MAP4: variants seen among roughly 807,000 people sequenced by gnomAD.
MAP4 encodes microtubule associated protein 4.
In MAP4, 76 loss-of-function variants were observed where a neutral mutation model predicts 170.2. The observed-to-expected ratio is 0.45, with a 90% confidence interval of 0.37 to 0.54. The LOEUF is 0.54. Ranked by LOEUF, MAP4 falls within the 20% of genes least tolerant of loss-of-function variation. The probability of loss-of-function intolerance (pLI) is 0.00; values close to 1 mark genes in which losing one functional copy is unlikely to be tolerated. For missense variants in MAP4, 2,506 were observed against 2,748.0 expected, an observed-to-expected ratio of 0.91 and a Z score of 1.97; for synonymous variants, 909 against 994.5, an observed-to-expected ratio of 0.91 and a Z score of 1.62.
intron 3 of MAP4, chr3:47,931,825 C>CA (rs2153836649): frequency 6.6e-6 from 1 of 152,172 alleles, no homozygotes; most frequent in Non-Finnish European, 1.5e-5. Flanking sequence ...TAGTCAAGTA[C>CA]AACAGTGAGA....
intron 2 of MAP4, among the ~76,000 whole-genome samples, chr3:47,988,218 G>C (rs1272859791): frequency 6.7e-6 from 1 of 149,138 alleles, no homozygotes; most frequent in South Asian, 2.1e-4. Context: ...AGAAAGCAAA[G>C]CAAAAAGATA....
At chr3:47,919,183 G>C (rs577822369) in intron 5 of MAP4, among the ~76,000 whole-genome samples, 1 of 151,964 alleles carries the variant, frequency 6.6e-6, no homozygotes, top group African/African-American at 2.4e-5. Context: ...CAACCGCCTC[G>C]GCCTCCCAAA....
chr3:47,998,836 C>G lies in MAP4; in HGVS notation c.25G>C (p.Ala9Pro), dbSNP rs1338986609. 1 of 1,614,114 alleles carries G rather than the reference C, an allele frequency of 6.2e-7. No individual in the cohort carries two copies. ...ATGTCTGGAGATGGTTCTGTTAATG[C>G]ATCTGCAAGACTGAGGTCAGCCATT... MADLSLAD[A>P]LTEPSPDIEG... Residue 9 changes from alanine to proline, a missense_variant, in exon 2 of 21, where the codon GCA (alanine) becomes CCA (proline). By Grantham distance (27) the Ala-to-Pro change is conservative. This residue lies in a region of MAP4 where 2,008 missense variants were observed against 2,206.0 expected (regional missense o/e 0.91). Transcript: ENST00000683076.
intron 10 of MAP4, chr3:47,892,459 G>A (rs1369806644): frequency 1.3e-6 from 2 of 1,534,176 alleles, no homozygotes; most frequent in Admixed American, 3.9e-5. Context: ...ACGCGGCAGT[G>A]AGAGAGGCTG....
intron 1 of MAP4, among the ~76,000 whole-genome samples, chr3:48,002,258 GA>G (rs11434317): frequency 2.6e-3 from 358 of 138,158 alleles, no homozygotes; most frequent in African/African-American, 8.6e-3. Context: ...AAAAAAAAAA[GA>G]AAAAAAAAAT....
chr3:48,058,205 G>A (rs1056291465), intron 1 of MAP4, among the ~76,000 whole-genome samples: 5 of 152,144 alleles, frequency 3.3e-5, no homozygotes, highest in Non-Finnish European at 7.4e-5. Flanking sequence ...TTTTTTCAAA[G>A]AGAAAAATGA....
intron 2 of MAP4, among the ~76,000 whole-genome samples, chr3:47,986,630 G>A (rs968966897): frequency 1.1e-4 from 16 of 151,930 alleles, no homozygotes; most frequent in African/African-American, 3.4e-4. Context: ...TTGAGCCCCC[G>A]GGTCCCGGTC....
intron 10 of MAP4, among the ~76,000 whole-genome samples, chr3:47,900,930 A>C (rs2100029640): frequency 6.6e-6 from 1 of 152,160 alleles, no homozygotes; most frequent in South Asian, 2.1e-4. Flanking sequence ...AGAGGCACAC[A>C]ATACCCCTAG....
Position 47,914,762 on chromosome 3 carries a change from C to T in MAP4, c.1999+55G>A, listed in dbSNP as rs2100037708. 8 of 1,606,948 alleles carry T rather than the reference C, an allele frequency of 5.0e-6. 1 individual carries two copies. In the Admixed American group the frequency reaches 1.3e-4, roughly 27 times the overall value. On this transcript the variant is annotated intron_variant, in intron 8 of 20. Coordinates refer to ENST00000683076, the MANE Select transcript of MAP4 (RefSeq NM_001385682.1). ...GAACTAGAGACAATGTCTACCATCA[C>T]TACTCTATCGCCCCTAATTTGTTTC... is the stretch of plus-strand genomic sequence containing the variant.
At chr3:48,020,828 C>T (rs1249544054), upstream of MAP4, among the ~76,000 whole-genome samples, 1 of 151,910 alleles carries the variant, frequency 6.6e-6, no homozygotes, top group African/African-American at 2.4e-5. Context: ...CACTATGTTG[C>T]CCAGGCTGGA....
chr3:47,852,674 C>T lies in MAP4; in HGVS notation c.*260G>A. On this transcript the variant is annotated 3_prime_UTR_variant, in exon 21 of 21. Transcript: ENST00000683076. The stretch of plus-strand genomic sequence containing the variant: ...GGCAAGACCAAAGCAGGGAGATGGG[C>T]CCAGGCTGGGGAGTGAGAGGAGGTG... 3 of 1,365,984 alleles carry T rather than the reference C, an allele frequency of 2.2e-6. No homozygotes were observed. The highest frequency in any genetic ancestry group is 2.9e-6 in the Non-Finnish European group (3 of 1,021,876). The allele number at this position is 1,365,984 out of a possible 1,614,324, so 84.6% of individuals were successfully genotyped here. A position where few individuals can be genotyped will look rare whatever the true frequency, so the allele number is the denominator to read the frequency against.
intron 10 of MAP4, among the ~76,000 whole-genome samples, chr3:47,886,323 C>T (rs996079427): frequency 2.0e-5 from 3 of 152,082 alleles, no homozygotes; most frequent in Non-Finnish European, 4.4e-5. Flanking sequence ...TGTTTTGAGA[C>T]CTGATCTTGA....
chr3:47,891,879 C>G lies in MAP4; in HGVS notation c.5434+11071G>C, dbSNP rs1020829306. On this transcript the variant is annotated intron_variant, in intron 10 of 20. Transcript: ENST00000683076. ...CCAGGGGTGATGCTATTCTCCATCT[C>G]TCCCGGAGTTGCTTCCCTTGAGCCC... 2.6e-6 allele frequency: 4 copies of G among 1,536,030 alleles called. No individual in the cohort carries two copies. In the Admixed American group the frequency reaches 7.8e-5, roughly 30 times the overall value.
intron 17 of MAP4, among the ~76,000 whole-genome samples, chr3:47,858,660 T>C (rs1312354346): frequency 6.6e-6 from 1 of 150,744 alleles, no homozygotes; most frequent in Non-Finnish European, 1.5e-5. Flanking sequence ...ATAGTATTCC[T>C]GCTTAATCCA....
At position 47,914,813 on chromosome 3, in the gene MAP4, T is replaced by G. The variant is rs773099885; in HGVS notation, c.1999+4A>C. The stretch of plus-strand genomic sequence containing the variant: ...AAAGAGTTCATTTTGTTTTCCTAAC[T>G]TACCTGAGGTCTCTGAAGAAAGCTC... On this transcript the variant is annotated splice_donor_region_variant and intron_variant, in intron 8 of 20. Coordinates refer to ENST00000683076, the MANE Select transcript of MAP4 (RefSeq NM_001385682.1). 3 of 1,614,072 alleles carry G rather than the reference T, an allele frequency of 1.9e-6. No homozygotes were observed. The South Asian group carries it at 3.3e-5, about 18-fold the overall frequency.
intron 1 of MAP4, among the ~76,000 whole-genome samples, chr3:48,065,164 G>A (rs1214211087): frequency 6.6e-6 from 1 of 151,992 alleles, no homozygotes; most frequent in East Asian, 1.9e-4. Context: ...TTTTAAAAAA[G>A]AACCTCTGCA....
intron 17 of MAP4, among the ~76,000 whole-genome samples, chr3:47,859,054 G>A (rs745966388): frequency 3.9e-5 from 6 of 152,090 alleles, no homozygotes; most frequent in Non-Finnish European, 5.9e-5. Flanking sequence ...GCATGAACTC[G>A]GGAGGCAGAG....
intron 1 of MAP4, among the ~76,000 whole-genome samples, chr3:48,075,133 A>G (rs759048518): frequency 3.2e-4 from 48 of 152,352 alleles, no homozygotes; most frequent in Admixed American, 1.6e-3. Context: ...TCAAGACAGC[A>G]TATTTATGCA....
intron 12 of MAP4, among the ~76,000 whole-genome samples, chr3:47,872,788 A>T (rs1273507556): frequency 1.3e-5 from 2 of 152,230 alleles, no homozygotes; most frequent in Admixed American, 1.3e-4. Flanking sequence ...TAACCTCTGT[A>T]GAAATGCCAA....
Sources: allele counts gnomAD v4.1 joint callset (sites outside exome capture counted in the v4.1 genomes callset), GRCh38; gene constraint gnomAD v4.1.1; regional missense constraint gnomAD v4.1.1; transcripts MANE v1.5; gene names NCBI Gene and HGNC (gene_info 2026-07-23, HGNC 2026-07-21).